FAM47B: variants seen among roughly 807,000 people sequenced by gnomAD.
The protein encoded by FAM47B is family with sequence similarity 47 member B.
For missense variants in FAM47B, 581 were observed against 550.1 expected, an observed-to-expected ratio of 1.06 and a Z score of -0.56; for synonymous variants, 247 against 215.8, an observed-to-expected ratio of 1.14 and a Z score of -1.27.
chrX:34,944,192 T>C lies in FAM47B; in HGVS notation c.1361T>C (p.Leu454Pro), dbSNP rs772899404. 6 of 1,211,686 alleles carry C rather than the reference T, an allele frequency of 5.0e-6. No individual in the cohort carries two copies. The highest frequency in any genetic ancestry group is 6.7e-6 in the Non-Finnish European group (6 of 895,564). The change falls in exon 1 of 1, where the codon CTT (leucine) becomes CCT (proline). Residue 454 changes from leucine to proline, a missense_variant. Coordinates refer to ENST00000329357, the MANE Select transcript of FAM47B (RefSeq NM_152631.3). ...PSTMECVSDS[L>P]QRRHTSRKLR... Reference sequence around the variant, plus strand: ...ACAATGGAGTGTGTTTCTGACTCTCTTCAACGTAGACACACATCGAGAAAA... The same window carrying C: ...ACAATGGAGTGTGTTTCTGACTCTCCTCAACGTAGACACACATCGAGAAAA...
Position 34,942,856 on chromosome X carries a change from C to T in FAM47B, c.25C>T (p.Arg9Trp), listed in dbSNP as rs1227129777. Residue 9 changes from arginine (R) to tryptophan (W), a missense_variant, in exon 1 of 1, where the codon CGG (arginine) becomes TGG (tryptophan). Transcript: ENST00000329357. MGDRRPQD[R>W]PRSQGMDSKP... ...CATGGGGGACCGGAGGCCACAGGAC[C>T]GGCCAAGGTCCCAAGGCATGGACTC... The T allele has an allele frequency of 3.3e-6, 4 of 1,204,345 alleles. No individual in the cohort carries two copies. The highest frequency in any genetic ancestry group is 1.8e-5 in the South Asian group (1 of 56,327).
rs751257363 is a variant in FAM47B, at chrX:34,944,307, C to T, written c.1476C>T (p.Thr492=). The T allele has an allele frequency of 8.3e-6, 10 of 1,209,951 alleles. No homozygotes were observed. Among genetic ancestry groups the T allele is most frequent in the Admixed American group, 2.2e-5 (1 of 45,683 alleles). Residue 492 remains threonine (T), a synonymous_variant, in exon 1 of 1, where the codon ACC becomes ACT. Transcript: ENST00000329357. ...ACTTTACCCCTGAGTGCAGAACAAC[C>T]GATCAAGACCAAAAGATTAAGAAGG... ...LFDFTPECRT[T]DQDQKIKKAN...
At position 34,942,880 on chromosome X, in the gene FAM47B, T is replaced by A. The variant is rs763270543; in HGVS notation, c.49T>A (p.Ser17Thr). 1.8e-5 allele frequency: 22 copies of A among 1,210,024 alleles called. No individual in the cohort carries two copies. The highest frequency in any genetic ancestry group is 2.3e-5 in the Non-Finnish European group (21 of 894,976). ...CCGGCCAAGGTCCCAAGGCATGGAC[T>A]CCAAGCCCTGGTACTGTGACAAACC... ...QDRPRSQGMDSKPWYCDKPPS... is the reference protein window; with the variant it reads ...QDRPRSQGMDTKPWYCDKPPS... The change falls in exon 1 of 1, where the codon TCC becomes ACC. Residue 17 changes from serine (S) to threonine (T), a missense_variant. Coordinates refer to ENST00000329357, the MANE Select transcript of FAM47B (RefSeq NM_152631.3).
chrX:34,943,884 G>T lies in FAM47B; in HGVS notation c.1053G>T (p.Leu351=). The T allele has an allele frequency of 8.3e-7, 1 of 1,210,589 alleles. No homozygotes were observed. The highest frequency in any genetic ancestry group is 1.1e-6 in the Non-Finnish European group (1 of 895,332). The part of the protein sequence containing the change: ...VSSFLLQVLK[L]DSEKKLEDAR... ...GTTTCCTACTACAGGTGCTGAAACT[G>T]GATTCTGAGAAGAAGCTGGAAGACG... The change falls in exon 1 of 1, where the codon CTG becomes CTT. Residue 351 remains leucine, a synonymous_variant. Coordinates refer to ENST00000329357, the MANE Select transcript of FAM47B (RefSeq NM_152631.3).
chrX:34,944,268 C>A lies in FAM47B; in HGVS notation c.1437C>A (p.Ile479=), dbSNP rs746896481. The A allele has an allele frequency of 2.5e-6, 3 of 1,211,820 alleles. No individual in the cohort carries two copies. The East Asian group carries it at 8.9e-5, about 36-fold the overall frequency. The change falls in exon 1 of 1, where the codon ATC becomes ATA. Residue 479 remains isoleucine, a synonymous_variant. Coordinates refer to ENST00000329357, the MANE Select transcript of FAM47B (RefSeq NM_152631.3). ...AGDLGVNEES[I]SSLFDFTPEC... ...ACCTAGGAGTTAATGAAGAATCCAT[C>A]AGCAGTCTGTTTGACTTTACCCCTG... is the stretch of plus-strand genomic sequence containing the variant.
In FAM47B at chrX:34,944,786, T is replaced by A; in HGVS notation, c.*17T>A. On this transcript the variant is annotated 3_prime_UTR_variant, in exon 1 of 1. Transcript: ENST00000329357. Reference sequence around the variant, plus strand: ...GAAGATTAGATGGTTTTCAATTTACTGCTTAATTGGGTATTTCTTGCTCTC... The same window carrying A: ...GAAGATTAGATGGTTTTCAATTTACAGCTTAATTGGGTATTTCTTGCTCTC... 4 of 1,136,039 alleles carry A rather than the reference T, an allele frequency of 3.5e-6. No individual in the cohort carries two copies. The highest frequency in any genetic ancestry group is 4.7e-6 in the Non-Finnish European group (4 of 858,554). The allele number at this position is 1,136,039 out of a possible 1,213,427, so 93.6% of individuals were successfully genotyped here.
rs112897595 is a variant in FAM47B at position 34,944,318 on chromosome X, A to G, written c.1487A>G (p.Gln496Arg). Reference sequence around the variant, plus strand: ...GAGTGCAGAACAACCGATCAAGACCAAAAGATTAAGAAGGCAAACGAGTGT... The same window carrying G: ...GAGTGCAGAACAACCGATCAAGACCGAAAGATTAAGAAGGCAAACGAGTGT... Reference protein sequence around the residue: ...TPECRTTDQDQKIKKANECAS... With the variant: ...TPECRTTDQDRKIKKANECAS... Residue 496 changes from glutamine to arginine, a missense_variant, in exon 1 of 1, where the codon CAA (glutamine) becomes CGA (arginine). Transcript: ENST00000329357. 1 of 1,211,896 alleles carries G rather than the reference A, an allele frequency of 8.3e-7. No homozygotes were observed.
rs747456969 is a variant in FAM47B at position 34,942,861 on chromosome X, A to C, written c.30A>C (p.Pro10=). 17 of 1,206,681 alleles carry C rather than the reference A, an allele frequency of 1.4e-5. No individual in the cohort carries two copies. The highest frequency in any genetic ancestry group is 2.3e-4 in the Middle Eastern group (1 of 4,353). The change falls in exon 1 of 1, where the codon CCA becomes CCC. Residue 10 remains proline, a synonymous_variant. Transcript: ENST00000329357. ...GGGACCGGAGGCCACAGGACCGGCC[A>C]AGGTCCCAAGGCATGGACTCCAAGC... MGDRRPQDR[P]RSQGMDSKPW... is the part of the protein sequence containing the mutation.
Position 34,944,713 on chromosome X carries a change from G to A in FAM47B, c.1882G>A (p.Ala628Thr), listed in dbSNP as rs1249860681. ...YDSVKTPIQR[A>T]VQVYKYKEDV... ...CTCTGTTAAGACTCCTATTCAACGT[G>A]CAGTGCAAGTTTACAAGTACAAAGA... The change falls in exon 1 of 1, where the codon GCA (alanine) becomes ACA (threonine). Residue 628 changes from alanine to threonine, a missense_variant. Ala to Thr is a moderately conservative substitution (Grantham distance 58). Transcript: ENST00000329357. The A allele has an allele frequency of 8.4e-7, 1 of 1,192,875 alleles. No individual in the cohort carries two copies. The highest frequency in any genetic ancestry group is 1.8e-5 in the African/African-American group (1 of 56,545).
rs769417841 is a variant in FAM47B at position 34,943,775 on chromosome X, A to T, written c.944A>T (p.Gln315Leu). Residue 315 changes from glutamine (Q) to leucine (L), a missense_variant, in exon 1 of 1, where the codon CAG becomes CTG. Transcript: ENST00000329357. ...SHLRPEPSKTQVSSLCPEPPE... is the reference protein window; with the variant it reads ...SHLRPEPSKTLVSSLCPEPPE... ...CTCCGCCCAGAGCCTTCCAAGACTCAGGTGTCCAGTCTCTGCCCGGAGCCT... is the reference window on the plus strand; with the variant it reads ...CTCCGCCCAGAGCCTTCCAAGACTCTGGTGTCCAGTCTCTGCCCGGAGCCT... 8.3e-7 allele frequency: 1 copy of T among 1,204,014 alleles called. No homozygotes were observed. The highest frequency in any genetic ancestry group is 1.1e-6 in the Non-Finnish European group (1 of 892,720).
At position 34,943,249 on chromosome X, in the gene FAM47B, G is replaced by T. The variant is rs770566122; in HGVS notation, c.418G>T (p.Asp140Tyr). The T allele has an allele frequency of 1.2e-5, 14 of 1,211,521 alleles. No individual in the cohort carries two copies. The highest frequency in any genetic ancestry group is 1.0e-5 in the Non-Finnish European group (9 of 895,432). Reference sequence around the variant, plus strand: ...GGCCATGTACCCCAATCTGGGAAAAGATATGCCTCCAGATCTCCTACTACA... The same window carrying T: ...GGCCATGTACCCCAATCTGGGAAAATATATGCCTCCAGATCTCCTACTACA... ...PLAMYPNLGK[D>Y]MPPDLLLQVL... is the part of the protein sequence containing the mutation. Residue 140 changes from aspartate (D) to tyrosine (Y), a missense_variant, in exon 1 of 1, where the codon GAT becomes TAT. Asp to Tyr is a radical substitution (Grantham distance 160). Transcript: ENST00000329357.
chrX:34,943,611 C>T lies in FAM47B; in HGVS notation c.780C>T (p.Cys260=). Residue 260 remains cysteine, a synonymous_variant, in exon 1 of 1, where the codon TGC becomes TGT. Transcript: ENST00000329357. ...DPPETGVSHL[C]PEPPKTLVSS... is the part of the protein sequence containing the mutation. ...CCGAGACTGGAGTGTCCCATCTCTG[C>T]CCAGAGCCTCCCAAGACTCTGGTGT... The T allele has an allele frequency of 8.3e-7, 1 of 1,210,422 alleles. No homozygotes were observed. The highest frequency in any genetic ancestry group is 1.1e-6 in the Non-Finnish European group (1 of 895,134).
At position 34,943,696 on chromosome X, in the gene FAM47B, G is replaced by A. The variant is rs776883968; in HGVS notation, c.865G>A (p.Glu289Lys). ...GASHLCPEPP[E>K]TRVSHLHPEP... ...GTCCCATCTCTGCCCGGAGCCTCCC[G>A]AGACTCGCGTATCTCATCTCCACCC... The change falls in exon 1 of 1, where the codon GAG (glutamate) becomes AAG (lysine). Residue 289 changes from glutamate (E) to lysine (K), a missense_variant. Transcript: ENST00000329357. 6.4e-5 allele frequency: 77 copies of A among 1,200,022 alleles called. No homozygotes were observed. The East Asian group carries it at 1.6e-3, about 26-fold the overall frequency.
chrX:34,943,147 G>C lies in FAM47B; in HGVS notation c.316G>C (p.Glu106Gln). ...KLLKKAALFS[E>Q]LSPVQPARKA... ...GCTCAAGAAAGCGGCCCTATTTTCC[G>C]AGCTCTCGCCAGTACAGCCAGCACG... The change falls in exon 1 of 1, where the codon GAG (glutamate) becomes CAG (glutamine). Residue 106 changes from glutamate to glutamine, a missense_variant. By Grantham distance (29) the Glu-to-Gln change is conservative. Coordinates refer to ENST00000329357, the MANE Select transcript of FAM47B (RefSeq NM_152631.3). 2.5e-6 allele frequency: 3 copies of C among 1,211,815 alleles called. No homozygotes were observed. The highest frequency in any genetic ancestry group is 2.2e-6 in the Non-Finnish European group (2 of 895,512).
At position 34,943,434 on chromosome X, in the gene FAM47B, T is replaced by G; in HGVS notation, c.603T>G (p.Pro201=). The change falls in exon 1 of 1, where the codon CCT becomes CCG. Residue 201 remains proline (P), a synonymous_variant. Coordinates refer to ENST00000329357, the MANE Select transcript of FAM47B (RefSeq NM_152631.3). ...PPETPVSRLR[P]QLPKTPVSSR... ...AGACTCCGGTGTCCCGTCTCCGTCC[T>G]CAGCTTCCCAAGACTCCGGTGTCCA... The G allele has an allele frequency of 8.3e-7, 1 of 1,208,079 alleles. No individual in the cohort carries two copies. Among genetic ancestry groups the G allele is most frequent in the Non-Finnish European group, 1.1e-6 (1 of 894,210 alleles).
rs1195500799 is a variant in FAM47B, at chrX:34,944,475, T to TG, written c.1646dup (p.Pro550ThrfsTer7). Reference sequence around the variant, plus strand: ...GTGCACAGCGTGGGAGGATAAGGTATGGACCATGGTACTTCGAGCCTAAGT... The same window carrying TG: ...GTGCACAGCGTGGGAGGATAAGGTATGGGACCATGGTACTTCGAGCCTAAGT... On this transcript the variant is annotated frameshift_variant, in exon 1 of 1. Coordinates refer to ENST00000329357, the MANE Select transcript of FAM47B (RefSeq NM_152631.3). LOFTEE classifies it low-confidence loss of function (END_TRUNC). The TG allele has an allele frequency of 8.3e-7, 1 of 1,210,030 alleles. No homozygotes were observed. Among genetic ancestry groups the TG allele is most frequent in the African/African-American group, 1.8e-5 (1 of 57,116 alleles).
rs149786472 is a variant in FAM47B at position 34,944,337 on chromosome X, C to T, written c.1506C>T (p.Asn502=). The change falls in exon 1 of 1, where the codon AAC becomes AAT. Residue 502 remains asparagine (N), a synonymous_variant. Transcript: ENST00000329357. ...TDQDQKIKKA[N]ECASRLMYGM... is the part of the protein sequence containing the mutation. Reference sequence around the variant, plus strand: ...AAGACCAAAAGATTAAGAAGGCAAACGAGTGTGCTTCAAGGCTGATGTACG... The same window carrying T: ...AAGACCAAAAGATTAAGAAGGCAAATGAGTGTGCTTCAAGGCTGATGTACG... 374 of 1,210,013 alleles carry T rather than the reference C, an allele frequency of 3.1e-4. 1 individual carries two copies. In the African/African-American group the frequency reaches 4.9e-3, roughly 16 times the overall value.
rs1926855771 is a variant in FAM47B, at chrX:34,944,628, G to A, written c.1797G>A (p.Lys599=). 3.3e-6 allele frequency: 4 copies of A among 1,211,715 alleles called. No homozygotes were observed. Among genetic ancestry groups the A allele is most frequent in the Non-Finnish European group, 4.5e-6 (4 of 895,456 alleles). The change falls in exon 1 of 1, where the codon AAG becomes AAA. Residue 599 remains lysine, a synonymous_variant. Coordinates refer to ENST00000329357, the MANE Select transcript of FAM47B (RefSeq NM_152631.3). Reference sequence around the variant, plus strand: ...CCTTTAAGGATTTCATTCTAAGCAAGGGCTACAGAATGCCTGGCGTCATTG... The same window carrying A: ...CCTTTAAGGATTTCATTCTAAGCAAAGGCTACAGAATGCCTGGCGTCATTG... ...PIAFKDFILS[K]GYRMPGVIEK... is the part of the protein sequence containing the mutation.
chrX:34,943,951 C>T lies in FAM47B; in HGVS notation c.1120C>T (p.Leu374Phe). 1 of 1,211,301 alleles carries T rather than the reference C, an allele frequency of 8.3e-7. No individual in the cohort carries two copies. Among genetic ancestry groups the T allele is most frequent in the Non-Finnish European group, 1.1e-6 (1 of 895,459 alleles). Residue 374 changes from leucine to phenylalanine, a missense_variant, in exon 1 of 1, where the codon CTC becomes TTC. Physicochemically the swap from Leu to Phe is conservative, Grantham distance 22 (BLOSUM62 0). Coordinates refer to ENST00000329357, the MANE Select transcript of FAM47B (RefSeq NM_152631.3). ...GGGCCAGGAGATGACAACCGAGGAA[C>T]TCACCAAGCCTGGTAAATACCATTT... ...CEGQEMTTEE[L>F]TKPGKYHFWE...
Sources: allele counts gnomAD v4.1 joint callset, GRCh38; gene constraint gnomAD v4.1.1; transcripts MANE v1.5; gene names NCBI Gene and HGNC (gene_info 2026-07-23, HGNC 2026-07-21).